Variants in QKI observed in about 807,000 individuals in gnomAD.
QKI encodes KH domain-containing RNA-binding protein QKI.
Under a neutral mutation model 39.0 loss-of-function variants are expected in QKI, and 10 were observed. The ratio of observed to expected loss-of-function variants is 0.26; its 90% CI spans 0.16 to 0.43. The LOEUF (loss-of-function observed/expected upper bound fraction) is 0.43, where lower values mean the gene tolerates loss of function less well. QKI is among the 20% of genes least tolerant of loss of function. The probability of loss-of-function intolerance (pLI) is 1.00; values close to 1 mark genes in which losing one functional copy is unlikely to be tolerated. For synonymous variants in QKI, 204 were observed against 155.4 expected, an observed-to-expected ratio of 1.31 and a Z score of -2.33; for missense variants, 218 against 428.0, an observed-to-expected ratio of 0.51 and a Z score of 4.33.
intron 2 of QKI, among the ~76,000 whole-genome samples, chr6:163,461,274 A>T (rs1791329659): frequency 6.6e-6 from 1 of 152,216 alleles, no homozygotes; most frequent in Admixed American, 6.5e-5. Flanking sequence ...TTAGTAAATA[A>T]TTACAGAAAG....
intron 3 of QKI, among the ~76,000 whole-genome samples, chr6:163,525,904 G>A (rs536510704): frequency 8.5e-5 from 13 of 152,224 alleles, no homozygotes; most frequent in African/African-American, 2.9e-4. Flanking sequence ...CTTATTAAAA[G>A]GATTAAGTTA....
chr6:163,455,719 T>G (rs1329376355), intron 2 of QKI, among the ~76,000 whole-genome samples: 1 of 152,204 alleles, frequency 6.6e-6, no homozygotes, highest in East Asian at 1.9e-4. Flanking sequence ...AGCACAACAT[T>G]GCTCATCTTT....
At chr6:163,558,339 T>C (rs971674962) in intron 4 of QKI, among the ~76,000 whole-genome samples, 1 of 152,092 alleles carries the variant, frequency 6.6e-6, no homozygotes, top group African/African-American at 2.4e-5. Flanking sequence ...AACATTGAAA[T>C]AACCACTTCG....
chr6:163,451,386 ACAGAT>A (rs1370647046), intron 1 of QKI, among the ~76,000 whole-genome samples: 6 of 152,204 alleles, frequency 3.9e-5, no homozygotes, highest in African/African-American at 1.4e-4. Flanking sequence ...AGGGACCTAG[ACAGAT>A]CAGAGTGCAT....
intron 1 of QKI, among the ~76,000 whole-genome samples, chr6:163,421,117 A>C (rs1787960606): frequency 6.6e-6 from 1 of 152,246 alleles, no homozygotes; most frequent in South Asian, 2.1e-4. Context: ...ATTGTCTAAT[A>C]ATTTTAAGAA....
chr6:163,568,048 A>G, intron 7 of QKI: 6 of 985,440 alleles, frequency 6.1e-6, no homozygotes, highest in Non-Finnish European at 4.8e-6. Flanking sequence ...TCAGTGAACA[A>G]AATAGACCCC....
chr6:163,460,612 TG>T (rs1051924244), intron 2 of QKI, among the ~76,000 whole-genome samples: 4 of 152,104 alleles, frequency 2.6e-5, no homozygotes, highest in African/African-American at 7.2e-5. Context: ...TCAAATTGGG[TG>T]TTGAGCTGGC....
intron 3 of QKI, among the ~76,000 whole-genome samples, chr6:163,485,785 T>C (rs1036885597): frequency 6.6e-6 from 1 of 152,210 alleles, no homozygotes; most frequent in Non-Finnish European, 1.5e-5. Context: ...TGAAGGGATG[T>C]GCATTCTTCT....
At chr6:163,512,403 A>C (rs1779539288) in intron 3 of QKI, among the ~76,000 whole-genome samples, 1 of 152,148 alleles carries the variant, frequency 6.6e-6, no homozygotes, top group Non-Finnish European at 1.5e-5. Flanking sequence ...CTTATTTTTT[A>C]ATATAGAAAG....
At chr6:163,443,654 A>G (rs1270183008) in intron 1 of QKI, among the ~76,000 whole-genome samples, 36 of 152,156 alleles carry the variant, frequency 2.4e-4, no homozygotes, top group Admixed American at 2.4e-3. Context: ...TTTGACATGT[A>G]TTTTCTTTCC....
chr6:163,558,065 G>T (rs367981411), intron 4 of QKI, among the ~76,000 whole-genome samples: 2 of 152,174 alleles, frequency 1.3e-5, no homozygotes, highest in Non-Finnish European at 2.9e-5. Flanking sequence ...CCCGATCAAG[G>T]TTCTGCAGGA....
chr6:163,425,543 T>G (rs1788340481), intron 1 of QKI, among the ~76,000 whole-genome samples: 1 of 152,152 alleles, frequency 6.6e-6, no homozygotes, highest in South Asian at 2.1e-4. Context: ...GTGTGAAGAG[T>G]CAAACTATTA....
intron 3 of QKI, among the ~76,000 whole-genome samples, chr6:163,527,613 T>C (rs920346234): frequency 2.6e-5 from 4 of 152,184 alleles, no homozygotes; most frequent in African/African-American, 7.2e-5. Flanking sequence ...CAAACAGATA[T>C]TGTAATTAGA....
intron 3 of QKI, 93 bp from the exon 4 acceptor site, chr6:163,534,889 A>G: frequency 9.7e-7 from 1 of 1,034,054 alleles, no homozygotes; most frequent in Non-Finnish European, 1.3e-6. Flanking sequence ...ATGCAAACAT[A>G]GCTGAAATAA....
chr6:163,457,788 G>C (rs544670024), intron 2 of QKI, among the ~76,000 whole-genome samples: 2 of 152,024 alleles, frequency 1.3e-5, no homozygotes, highest in East Asian at 3.9e-4. Flanking sequence ...CTTGTGGAGT[G>C]GACATTTCAG....
chr6:163,508,791 A>G (rs985135995), intron 3 of QKI, among the ~76,000 whole-genome samples: 1 of 151,514 alleles, frequency 6.6e-6, no homozygotes, highest in Non-Finnish European at 1.5e-5. Flanking sequence ...GGCCTCCCAG[A>G]GTGCTAGGAT....
chr6:163,459,362 G>A (rs1174127014), intron 2 of QKI, among the ~76,000 whole-genome samples: 1 of 152,106 alleles, frequency 6.6e-6, no homozygotes, highest in Non-Finnish European at 1.5e-5. Context: ...TGGGAGAGGG[G>A]GTACTATTGG....
chr6:163,504,990 G>GA lies in QKI; in HGVS notation c.402+26100dup, dbSNP rs60901968. Among the ~76,000 whole-genome samples the GA allele has an allele frequency of 3.3e-3, 502 of 152,160 alleles. 4 individuals are homozygous for GA. The highest frequency in any genetic ancestry group is 0.011 in the African/African-American group (472 of 41,532). On this transcript the variant is annotated intron_variant, in intron 3 of 7. Transcript: ENST00000361752. ...AAACCATGTTTCCTAATATTTTGAGGAAAAAATGGGTGTCCGGCATTCCAG... is the reference window on the plus strand; with the variant it reads ...AAACCATGTTTCCTAATATTTTGAGGAAAAAAATGGGTGTCCGGCATTCCAG...
chr6:163,439,656 CTTTT>C (rs375640583), intron 1 of QKI, among the ~76,000 whole-genome samples: 2 of 124,240 alleles, frequency 1.6e-5, no homozygotes, highest in Non-Finnish European at 1.7e-5. Context: ...GTCCTGAATC[CTTTT>C]TTTTTTTTTT....
Sources: allele counts gnomAD v4.1 joint callset (sites outside exome capture counted in the v4.1 genomes callset), GRCh38; gene constraint gnomAD v4.1.1; transcripts MANE v1.5; gene names NCBI Gene and HGNC (gene_info 2026-07-23, HGNC 2026-07-21).